Variants in HSP90AA1 observed in about 807,000 individuals in gnomAD.
HSP90AA1 encodes heat shock protein HSP 90-alpha.
In HSP90AA1, 18 loss-of-function variants were observed where a neutral mutation model predicts 73.3. That is an observed-to-expected ratio of 0.25 (90% CI 0.17 to 0.36). The LOEUF (loss-of-function observed/expected upper bound fraction) is 0.36, where lower values mean the gene tolerates loss of function less well. Among genes scored for constraint, HSP90AA1 ranks in the 10% least tolerant of loss-of-function variants. The probability of loss-of-function intolerance (pLI) is 1.00; values close to 1 mark genes in which losing one functional copy is unlikely to be tolerated. For synonymous variants in HSP90AA1, 477 were observed against 296.9 expected, an observed-to-expected ratio of 1.61 and a Z score of -6.24; for missense variants, 704 against 874.2, an observed-to-expected ratio of 0.81 and a Z score of 2.45.
chr14:102,119,108 C>A (rs899691713), intron 1 of HSP90AA1, among the ~76,000 whole-genome samples: 2 of 152,136 alleles, frequency 1.3e-5, no homozygotes, highest in African/African-American at 4.8e-5. Flanking sequence ...ACCCTCCTCG[C>A]CTCCCAAAGA....
chr14:102,136,678 A>T (rs1210700940), intron 1 of HSP90AA1, among the ~76,000 whole-genome samples: 1 of 151,052 alleles, frequency 6.6e-6, no homozygotes. Flanking sequence ...ACCTGAGGTC[A>T]GGAGTTCAAG....
At chr14:102,111,092 G>C (rs989301321) in intron 1 of HSP90AA1, among the ~76,000 whole-genome samples, 1 of 152,178 alleles carries the variant, frequency 6.6e-6, no homozygotes, top group South Asian at 2.1e-4. Flanking sequence ...CACTAGAAAA[G>C]AAAATCCCAT....
upstream of HSP90AA1, among the ~76,000 whole-genome samples, chr14:102,092,011 G>A (rs778436502): frequency 1.0e-4 from 15 of 150,730 alleles, no homozygotes; most frequent in South Asian, 6.3e-4. Context: ...TGACTCATGG[G>A]TTATTTTTAC....
chr14:102,105,230 C>CAA, intron 1 of HSP90AA1, among the ~76,000 whole-genome samples: 1 of 119,016 alleles, frequency 8.4e-6, no homozygotes, highest in East Asian at 2.3e-4. Context: ...AAAAAAAAAA[C>CAA]CAAACTTCAT....
chr14:102,122,814 C>T (rs1013637745), intron 1 of HSP90AA1, among the ~76,000 whole-genome samples: 15 of 151,676 alleles, frequency 9.9e-5, no homozygotes, highest in South Asian at 4.2e-4. Flanking sequence ...ATTACAGGTG[C>T]CTGCCACCAT....
intron 2 of HSP90AA1, among the ~76,000 whole-genome samples, chr14:102,094,248 C>T (rs2049396044): frequency 1.3e-5 from 2 of 152,090 alleles, no homozygotes; most frequent in Non-Finnish European, 2.9e-5. Context: ...GCACTGAGTG[C>T]GGCTGAAAAA....
intron 1 of HSP90AA1, among the ~76,000 whole-genome samples, chr14:102,137,759 G>A (rs1429143425): frequency 6.6e-6 from 1 of 150,980 alleles, no homozygotes; most frequent in African/African-American, 2.4e-5. Context: ...GCTCATGCCT[G>A]TAATACCAGC....
rs1293077935 is a variant in HSP90AA1, at chr14:102,080,825, G to A, written c.*887C>T. 9 of 226,608 alleles carry A rather than the reference G, an allele frequency of 4.0e-5. No individual in the cohort carries two copies. The highest frequency in any genetic ancestry group is 6.1e-5 in the Non-Finnish European group (7 of 113,994). The allele number at this position is 226,608 out of a possible 1,614,324, so 14.0% of individuals were successfully genotyped here. ...CAACGTGGACACTAAGAGAACACAT[G>A]TAACTCATGGACGCAGGGGATGCAT... On this transcript the variant is annotated 3_prime_UTR_variant, in exon 11 of 11. Transcript: ENST00000216281.
chr14:102,087,567 G>C (rs894778249), upstream of HSP90AA1, among the ~76,000 whole-genome samples: 3 of 152,006 alleles, frequency 2.0e-5, no homozygotes, highest in Non-Finnish European at 2.9e-5. Context: ...CCGTCGTCCT[G>C]ACTGGCGCCG....
At chr14:102,082,857 T>A in intron 9 of HSP90AA1, 177 bp downstream of exon 9, 1 of 683,842 alleles carries the variant, frequency 1.5e-6, no homozygotes, top group Non-Finnish European at 2.6e-6. Flanking sequence ...CCTGACCTTG[T>A]GATCCGCTGC....
chr14:102,087,189 C>G (rs1238667725), upstream of HSP90AA1: 2 of 982,346 alleles, frequency 2.0e-6, no homozygotes, highest in Non-Finnish European at 2.4e-6. Flanking sequence ...GTTGCCGCGG[C>G]ACCCCGCCCC....
rs775583514 is a variant in HSP90AA1, at chr14:102,083,723, T to C, written c.1339-30A>G. 6.9e-6 allele frequency: 11 copies of C among 1,585,440 alleles called. No individual in the cohort carries two copies. In the Admixed American group the frequency reaches 7.1e-5, roughly 10 times the overall value. ...AACAAAGTATGTTCTTTACAAAGACTTTCTGAATTAAAAAAAAAAAAAAAA... is the reference window on the plus strand; with the variant it reads ...AACAAAGTATGTTCTTTACAAAGACCTTCTGAATTAAAAAAAAAAAAAAAA... On this transcript the variant is annotated intron_variant, in intron 7 of 10. Coordinates refer to ENST00000216281, the MANE Select transcript of HSP90AA1 (RefSeq NM_005348.4).
chr14:102,133,626 G>A (rs1353453512), intron 1 of HSP90AA1, among the ~76,000 whole-genome samples: 1 of 151,826 alleles, frequency 6.6e-6, no homozygotes, highest in Non-Finnish European at 1.5e-5. Context: ...TGGGATTACA[G>A]GCATATGGCA....
intron 2 of HSP90AA1, among the ~76,000 whole-genome samples, chr14:102,098,272 C>T (rs2049449956): frequency 6.6e-6 from 1 of 151,506 alleles, no homozygotes; most frequent in Non-Finnish European, 1.5e-5. Context: ...AGCGATTCTC[C>T]TGCCTCAGCC....
At position 102,082,784 on chromosome 14, in the gene HSP90AA1, T is replaced by G. The variant is rs981858141; in HGVS notation, c.1755+250A>C. On this transcript the variant is annotated intron_variant, in intron 9 of 10. Transcript: ENST00000216281. ...TACAGGCCGTGCCACCACGCCTGGT[T>G]TATTTTTTTCTATTTTTAGTAGAGA... 10 of 514,714 alleles carry G rather than the reference T, an allele frequency of 1.9e-5. No homozygotes were observed. The Middle Eastern group carries it at 1.7e-3, about 85-fold the overall frequency. 31.9% of individuals were successfully genotyped at this position (514,714 alleles called of 1,614,324 possible). A position where few individuals can be genotyped will look rare whatever the true frequency, so the allele number is the denominator to read the frequency against.
At chr14:102,088,916 T>G (rs1047787947), upstream of HSP90AA1, among the ~76,000 whole-genome samples, 2 of 151,772 alleles carry the variant, frequency 1.3e-5, no homozygotes, top group African/African-American at 4.8e-5. Context: ...TCTTTTTTTT[T>G]TTTTTTTAGA....
chr14:102,106,492 T>G (rs1485908203), intron 1 of HSP90AA1, among the ~76,000 whole-genome samples: 1 of 150,950 alleles, frequency 6.6e-6, no homozygotes, highest in Admixed American at 6.6e-5. Flanking sequence ...AAGAGGGAAG[T>G]AGTAATGGAA....
intron 1 of HSP90AA1, among the ~76,000 whole-genome samples, chr14:102,127,198 G>T (rs1566736095): frequency 6.6e-6 from 1 of 151,968 alleles, no homozygotes; most frequent in Non-Finnish European, 1.5e-5. Context: ...AAAAAGTTAG[G>T]AACTGTTATT....
chr14:102,082,496 T>C, intron 9 of HSP90AA1, 52 bp from the exon 10 acceptor site: 1 of 1,437,392 alleles, frequency 7.0e-7, no homozygotes, highest in Non-Finnish European at 9.6e-7. Context: ...TTCCTAAACT[T>C]TCATTGTGAA....
Sources: allele counts gnomAD v4.1 joint callset (sites outside exome capture counted in the v4.1 genomes callset), GRCh38; gene constraint gnomAD v4.1.1; transcripts MANE v1.5; gene names NCBI Gene and HGNC (gene_info 2026-07-23, HGNC 2026-07-21).